The following TMX4 variants were observed in gnomAD, a reference collection of about 807,000 sequenced individuals.
TMX4 encodes the protein thioredoxin related transmembrane protein 4.
TMX4 carries 23 observed loss-of-function variants against 33.3 expected under a neutral mutation model. That is an observed-to-expected ratio of 0.69 (90% CI 0.50 to 0.98). The LOEUF (loss-of-function observed/expected upper bound fraction) is 0.98, where lower values mean the gene tolerates loss of function less well. Among genes scored for constraint, TMX4 ranks in the 50% least tolerant of loss-of-function variants. The pLI, the probability that TMX4 is intolerant of heterozygous loss-of-function variation, is 0.00. For synonymous variants in TMX4, 164 were observed against 161.5 expected (o/e 1.02, Z -0.12); for missense variants, 399 against 448.9 (o/e 0.89, Z 1.01).
At chr20:8,015,925 C>T (rs1255373203) in intron 1 of TMX4, among the ~76,000 whole-genome samples, 1 of 152,184 alleles carries the variant, frequency 6.6e-6, no homozygotes, top group African/African-American at 2.4e-5. Context: ...CAAAGACATA[C>T]TTTTCTTCTG....
chr20:8,008,941 A>G (rs1478099649), intron 2 of TMX4, among the ~76,000 whole-genome samples: 3 of 152,160 alleles, frequency 2.0e-5, no homozygotes, highest in African/African-American at 4.8e-5. Context: ...TGACACATCA[A>G]TTTTAACATG....
Position 7,996,036 on chromosome 20 carries a change from C to A in TMX4, c.503G>T (p.Gly168Val), listed in dbSNP as rs750883573. The change falls in exon 5 of 8, where the codon GGC becomes GTC. Residue 168 changes from glycine (G) to valine (V), a missense_variant. By Grantham distance (109) the Gly-to-Val change is moderately radical. Transcript: ENST00000246024. ...TTTAAGATTACTTACCCATATCTTG[C>A]CAGAGATGCTAAAAAGACCAGCCAT... The part of the protein sequence containing the change: ...SGMAGLFSIS[G>V]KIWHLHNYFT... The A allele has an allele frequency of 6.2e-7, 1 of 1,609,826 alleles. No homozygotes were observed. The highest frequency in any genetic ancestry group is 1.1e-5 in the South Asian group (1 of 90,212).
At chr20:8,000,647 C>T (rs1228818280) in intron 3 of TMX4, among the ~76,000 whole-genome samples, 6 of 152,088 alleles carry the variant, frequency 3.9e-5, no homozygotes, top group African/African-American at 1.4e-4. Flanking sequence ...TGGCCAATCC[C>T]AGGTTCCATC....
intron 1 of TMX4, among the ~76,000 whole-genome samples, chr20:8,016,988 T>TA (rs11478144): frequency 3.2e-4 from 48 of 149,366 alleles, no homozygotes; most frequent in African/African-American, 5.1e-4. Flanking sequence ...GTTATATACA[T>TA]AAAAAAAAAA....
intron 5 of TMX4, among the ~76,000 whole-genome samples, chr20:7,991,308 C>T (rs890007016): frequency 6.6e-6 from 1 of 152,202 alleles, no homozygotes; most frequent in African/African-American, 2.4e-5. Context: ...AGAGATTCAA[C>T]AAATCCAATA....
chr20:7,997,233 C>T (rs1434977124), intron 4 of TMX4, among the ~76,000 whole-genome samples: 1 of 152,036 alleles, frequency 6.6e-6, no homozygotes, highest in African/African-American at 2.4e-5. Context: ...TTCCCCTCAC[C>T]TCAACATTGT....
chr20:8,014,194 G>C (rs1254759265), intron 1 of TMX4, among the ~76,000 whole-genome samples: 1 of 152,192 alleles, frequency 6.6e-6, no homozygotes, highest in Non-Finnish European at 1.5e-5. Flanking sequence ...ACACCTGCTA[G>C]AGAAAGTGGA....
Position 7,982,191 on chromosome 20 carries a change from A to G in TMX4, c.*60T>C. 6.6e-7 allele frequency: 1 copy of G among 1,524,834 alleles called. No individual in the cohort carries two copies. The highest frequency in any genetic ancestry group is 8.8e-7 in the Non-Finnish European group (1 of 1,130,998). The allele number at this position is 1,524,834 out of a possible 1,614,324, so 94.5% of individuals were successfully genotyped here. On this transcript the variant is annotated 3_prime_UTR_variant, in exon 8 of 8. Transcript: ENST00000246024. ...AAATTAAGGATTTGGTACAAACTGCAGGCCAAAGGGAAGCTGACATATTGT... is the reference window on the plus strand; with the variant it reads ...AAATTAAGGATTTGGTACAAACTGCGGGCCAAAGGGAAGCTGACATATTGT...
At chr20:8,011,810 A>G (rs2050754240) in intron 1 of TMX4, among the ~76,000 whole-genome samples, 1 of 152,126 alleles carries the variant, frequency 6.6e-6, no homozygotes. Context: ...CTAAAACATC[A>G]TTAATCTTTC....
intron 1 of TMX4, among the ~76,000 whole-genome samples, chr20:8,015,071 G>A (rs2122884292): frequency 6.6e-6 from 1 of 151,998 alleles, no homozygotes; most frequent in South Asian, 2.1e-4. Context: ...TAGATTGCTG[G>A]AATGATCAAA....
At chr20:8,004,369 A>G (rs2050719081) in intron 2 of TMX4, among the ~76,000 whole-genome samples, 1 of 152,250 alleles carries the variant, frequency 6.6e-6, no homozygotes, top group African/African-American at 2.4e-5. Flanking sequence ...TGAACATCAT[A>G]ATAGCAGCTT....
At chr20:8,002,938 T>C (rs1253776477) in intron 2 of TMX4, among the ~76,000 whole-genome samples, 1 of 152,170 alleles carries the variant, frequency 6.6e-6, no homozygotes, top group Non-Finnish European at 1.5e-5. Context: ...TTTGTCATTG[T>C]ACATTGGAAA....
At position 7,981,622 on chromosome 20, in the gene TMX4, A is replaced by G. The variant is rs1338759618; in HGVS notation, c.*629T>C. ...TGGAGTCCTCTGACCAAGAGATAAT[A>G]GTGAAGAGTGTGGAGAGCCTGAATG... On this transcript the variant is annotated 3_prime_UTR_variant, in exon 8 of 8. Transcript: ENST00000246024. The G allele has an allele frequency of 1.3e-5, 2 of 152,346 alleles. No individual in the cohort carries two copies. The highest frequency in any genetic ancestry group is 4.8e-5 in the African/African-American group (2 of 41,456). The allele number at this position is 152,346 out of a possible 1,614,324, so 9.4% of individuals were successfully genotyped here.
At chr20:8,006,798 G>A (rs960105200) in intron 2 of TMX4, among the ~76,000 whole-genome samples, 6 of 133,658 alleles carry the variant, frequency 4.5e-5, no homozygotes, top group African/African-American at 1.8e-4. Flanking sequence ...TGTTCTTGTT[G>A]CCCAGCCTGG....
At chr20:8,002,415 T>A (rs1268985791) in intron 2 of TMX4, among the ~76,000 whole-genome samples, 1 of 151,528 alleles carries the variant, frequency 6.6e-6, no homozygotes, top group Non-Finnish European at 1.5e-5. Flanking sequence ...AAAAAAAGGG[T>A]AGGTATGCAA....
chr20:7,990,312 TAGTC>T (rs2050649084), intron 5 of TMX4, among the ~76,000 whole-genome samples: 1 of 151,940 alleles, frequency 6.6e-6, no homozygotes, highest in African/African-American at 2.4e-5. Context: ...AAAAAAATCT[TAGTC>T]TGTTCACTGA....
At chr20:8,015,336 T>C (rs2050770274) in intron 1 of TMX4, among the ~76,000 whole-genome samples, 1 of 152,226 alleles carries the variant, frequency 6.6e-6, no homozygotes, top group African/African-American at 2.4e-5. Flanking sequence ...TTTTTTGATG[T>C]CGCATGACTG....
intron 2 of TMX4, among the ~76,000 whole-genome samples, chr20:8,001,991 T>C (rs2122869171): frequency 6.6e-6 from 1 of 152,252 alleles, no homozygotes; most frequent in African/African-American, 2.4e-5. Flanking sequence ...CTCAACAAAC[T>C]ATAGGTATGA....
chr20:8,010,225 C>A lies in TMX4; in HGVS notation c.267G>T (p.Gly89=), dbSNP rs376446541. The change falls in exon 2 of 8, where the codon GGG becomes GGT. Residue 89 remains glycine, a synonymous_variant. Coordinates refer to ENST00000246024, the MANE Select transcript of TMX4 (RefSeq NM_021156.4). ...KNGEILQISV[G]KVDVIQEPGL... is the part of the protein sequence containing the mutation. ...CTGGTTCTTGAATGACATCTACCTT[C>A]CCCACACTGATCTGAAGTATTTCAC... 6.2e-7 allele frequency: 1 copy of A among 1,610,914 alleles called. No homozygotes were observed. Among genetic ancestry groups the A allele is most frequent in the Non-Finnish European group, 8.5e-7 (1 of 1,177,922 alleles).
Sources: allele counts gnomAD v4.1 joint callset (sites outside exome capture counted in the v4.1 genomes callset), GRCh38; gene constraint gnomAD v4.1.1; transcripts MANE v1.5; gene names NCBI Gene and HGNC (gene_info 2026-07-23, HGNC 2026-07-21).